FKBP3: variants seen among roughly 807,000 people sequenced by gnomAD.
FKBP3 encodes FKBP prolyl isomerase 3.
FKBP3 carries 21 observed loss-of-function variants against 30.6 expected under a neutral mutation model. That is an observed-to-expected ratio of 0.69 (90% CI 0.49 to 0.99). The LOEUF (loss-of-function observed/expected upper bound fraction) is 0.99, where lower values mean the gene tolerates loss of function less well. Ranked by LOEUF, FKBP3 falls within the 50% of genes least tolerant of loss-of-function variation. The probability of loss-of-function intolerance (pLI) is 0.00; values close to 1 mark genes in which losing one functional copy is unlikely to be tolerated. For synonymous variants in FKBP3, 82 were observed against 91.3 expected, an observed-to-expected ratio of 0.90 and a Z score of 0.58; for missense variants, 283 against 261.6, an observed-to-expected ratio of 1.08 and a Z score of -0.56.
intron 1 of FKBP3, among the ~76,000 whole-genome samples, chr14:45,133,600 A>C (rs1885277814): frequency 6.6e-6 from 1 of 152,262 alleles, no homozygotes; most frequent in African/African-American, 2.4e-5. Flanking sequence ...CAGCAATTTA[A>C]CAGGTGCATG....
intron 5 of FKBP3, among the ~76,000 whole-genome samples, chr14:45,119,877 C>T (rs1350400084): frequency 3.3e-5 from 5 of 151,780 alleles, no homozygotes; most frequent in African/African-American, 4.8e-5. Flanking sequence ...TTAGTAGAGA[C>T]GGGTTTCACA....
chr14:45,118,053 C>G lies in FKBP3; in HGVS notation c.595G>C (p.Gly199Arg). ...RLEIEPEWAY[G>R]KKGQPDAKIP... ...TTGGCATCAGGCTGTCCTTTCTTTC[C>G]GTAAGCCCATTCTGGTTCAATCTCC... The change falls in exon 6 of 7, where the codon GGA becomes CGA. Residue 199 changes from glycine to arginine, a missense_variant. By Grantham distance (125) the Gly-to-Arg change is moderately radical. Transcript: ENST00000396062. The G allele has an allele frequency of 6.2e-7, 1 of 1,605,714 alleles. No individual in the cohort carries two copies. The highest frequency in any genetic ancestry group is 8.5e-7 in the Non-Finnish European group (1 of 1,177,368).
chr14:45,119,195 ATAT>A (rs1366226641), intron 5 of FKBP3, among the ~76,000 whole-genome samples: 10 of 152,210 alleles, frequency 6.6e-5, no homozygotes, highest in Admixed American at 5.9e-4. Context: ...AATATTCCTA[ATAT>A]TATATGCTGT....
intron 2 of FKBP3, 138 bp from the exon 3 acceptor site, chr14:45,130,039 TA>T (rs1885181110): frequency 2.1e-6 from 1 of 468,902 alleles, no homozygotes. Flanking sequence ...ATAAATGGTC[TA>T]AGGAAACGAA....
At chr14:45,119,222 A>C (rs1037787252) in intron 5 of FKBP3, among the ~76,000 whole-genome samples, 7 of 152,178 alleles carry the variant, frequency 4.6e-5, no homozygotes, top group African/African-American at 1.7e-4. Context: ...GAAATGCAAC[A>C]ATCATATAAA....
intron 1 of FKBP3, 111 bp from the exon 2 acceptor site, chr14:45,130,911 C>A: frequency 1.7e-6 from 1 of 572,780 alleles, no homozygotes; most frequent in Non-Finnish European, 3.1e-6. Flanking sequence ...AGTACTAGTA[C>A]TGAAGAAGAA....
At chr14:45,132,466 C>T (rs1008460642) in intron 1 of FKBP3, among the ~76,000 whole-genome samples, 2 of 152,188 alleles carry the variant, frequency 1.3e-5, no homozygotes, top group African/African-American at 4.8e-5. Flanking sequence ...GGCCCAATCT[C>T]GGCCCACTGC....
chr14:45,125,543 T>C (rs1002895870), intron 3 of FKBP3, among the ~76,000 whole-genome samples: 1 of 152,228 alleles, frequency 6.6e-6, no homozygotes, highest in African/African-American at 2.4e-5. Context: ...ACAATACTCA[T>C]TCATACCATG....
chr14:45,116,326 C>T, intron 6 of FKBP3, 74 bp from the exon 7 acceptor site: 1 of 1,031,684 alleles, frequency 9.7e-7, no homozygotes. Flanking sequence ...GTAGGATAGG[C>T]TGACTAGATA....
intron 6 of FKBP3, 97 bp downstream of exon 6, chr14:45,117,931 T>G: frequency 6.0e-6 from 5 of 834,924 alleles, no homozygotes; most frequent in Non-Finnish European, 9.7e-6. Context: ...GGATTCTTGA[T>G]CCAGAAGTTT....
intron 6 of FKBP3, among the ~76,000 whole-genome samples, chr14:45,116,944 G>C (rs1447126811): frequency 6.6e-6 from 1 of 151,884 alleles, no homozygotes; most frequent in Non-Finnish European, 1.5e-5. Context: ...CTTCACATGG[G>C]AGAGGGAGCT....
At chr14:45,129,991 T>A in intron 2 of FKBP3, 90 bp from the exon 3 acceptor site, 1 of 656,980 alleles carries the variant, frequency 1.5e-6, no homozygotes, top group Non-Finnish European at 2.6e-6. Context: ...TAAATGAACA[T>A]CTGCATAATA....
chr14:45,126,348 C>T (rs898221000), intron 3 of FKBP3, among the ~76,000 whole-genome samples: 6 of 151,924 alleles, frequency 3.9e-5, no homozygotes, highest in African/African-American at 7.2e-5. Context: ...ATTAACCGGG[C>T]GTTGTGGTGT....
At chr14:45,126,825 C>CT (rs896063772) in intron 3 of FKBP3, among the ~76,000 whole-genome samples, 27 of 151,384 alleles carry the variant, frequency 1.8e-4, no homozygotes, top group Admixed American at 1.3e-3. Flanking sequence ...CTCTTTTTTT[C>CT]TTTTTTTTGA....
chr14:45,132,935 T>C (rs930892875), intron 1 of FKBP3, among the ~76,000 whole-genome samples: 1 of 152,186 alleles, frequency 6.6e-6, no homozygotes, highest in Non-Finnish European at 1.5e-5. Context: ...GAAATACGAA[T>C]TGGCTTAAGA....
At chr14:45,123,000 C>G (rs1223557995) in intron 3 of FKBP3, among the ~76,000 whole-genome samples, 1 of 151,542 alleles carries the variant, frequency 6.6e-6, no homozygotes, top group East Asian at 2.0e-4. Flanking sequence ...TGAGATCAGC[C>G]TGGCCAACAT....
intron 3 of FKBP3, among the ~76,000 whole-genome samples, chr14:45,122,724 C>T (rs934116895): frequency 6.6e-5 from 10 of 151,788 alleles, no homozygotes; most frequent in East Asian, 2.0e-4. Flanking sequence ...AGGATGGTCT[C>T]GAACTCCAGA....
At chr14:45,121,197 C>T (rs1884977322) in intron 4 of FKBP3, among the ~76,000 whole-genome samples, 2 of 152,136 alleles carry the variant, frequency 1.3e-5, no homozygotes, top group South Asian at 4.1e-4. Context: ...TATCACAAAA[C>T]AGCATACTAT....
In FKBP3 at chr14:45,116,245, G is replaced by A; in HGVS notation, c.628C>T (p.Pro210Ser). ...ACTTCAAAAGTGAGTTTTGCATTTGGTGGAATTCTGTTGAAGAAGTCAAGG... is the reference window on the plus strand; with the variant it reads ...ACTTCAAAAGTGAGTTTTGCATTTGATGGAATTCTGTTGAAGAAGTCAAGG... ...KKGQPDAKIP[P>S]NAKLTFEVEL... Residue 210 changes from proline (P) to serine (S), a missense_variant, in exon 7 of 7, where the codon CCA becomes TCA. Physicochemically the swap from Pro to Ser is moderately conservative, Grantham distance 74. Transcript: ENST00000396062. 1.2e-6 allele frequency: 2 copies of A among 1,612,246 alleles called. No homozygotes were observed.
Sources: allele counts gnomAD v4.1 joint callset (sites outside exome capture counted in the v4.1 genomes callset), GRCh38; gene constraint gnomAD v4.1.1; transcripts MANE v1.5; gene names NCBI Gene and HGNC (gene_info 2026-07-23, HGNC 2026-07-21).